The following KRT8 variants were observed in gnomAD, a reference collection of about 807,000 sequenced individuals.
KRT8 encodes the protein keratin, type II cytoskeletal 8.
KRT8 carries 24 observed loss-of-function variants against 43.0 expected under a neutral mutation model. The ratio of observed to expected loss-of-function variants is 0.56; its 90% CI spans 0.40 to 0.78. The LOEUF (loss-of-function observed/expected upper bound fraction) is 0.78. KRT8 is among the 30% of genes least tolerant of loss of function. The probability of loss-of-function intolerance (pLI) is 0.00; values close to 1 mark genes in which losing one functional copy is unlikely to be tolerated. For synonymous variants in KRT8, 214 were observed against 261.2 expected (o/e 0.82, Z 1.74); for missense variants, 492 against 638.4 (o/e 0.77, Z 2.47).
intron 2 of KRT8, among the ~76,000 whole-genome samples, chr12:52,939,564 A>T (rs377333885): frequency 1.6e-3 from 247 of 152,118 alleles, no homozygotes; most frequent in African/African-American, 5.6e-3. Context: ...CTACTAAAAA[A>T]TACAAAAATT....
At chr12:52,949,796 G>A (rs1433513483) in exon 1 of KRT8, 1 of 710,506 alleles carries the variant, frequency 1.4e-6, no homozygotes, top group African/African-American at 1.7e-5. Flanking sequence ...CAGGAGAGAG[G>A]GGGAAGGGGA....
intron 2 of KRT8, among the ~76,000 whole-genome samples, chr12:52,926,229 G>T (rs61927927): frequency 7.5e-6 from 1 of 132,892 alleles, no homozygotes; most frequent in Non-Finnish European, 1.5e-5. Context: ...ACACTGCTTT[G>T]ATCCTGTCAC....
intron 2 of KRT8, among the ~76,000 whole-genome samples, chr12:52,915,544 C>A (rs767628758): frequency 3.3e-5 from 5 of 151,520 alleles, no homozygotes; most frequent in Non-Finnish European, 7.4e-5. Context: ...CCCATCTGTA[C>A]TAAAAATACA....
exon 3 of KRT8, chr12:52,901,167 T>C (rs1365659231): frequency 9.3e-6 from 15 of 1,609,724 alleles, no homozygotes; most frequent in Non-Finnish European, 1.0e-5. Flanking sequence ...ACCTTCTTGA[T>C]GAGGACAAAT....
intron 2 of KRT8, among the ~76,000 whole-genome samples, chr12:52,943,149 C>A (rs746914193): frequency 6.6e-6 from 1 of 152,134 alleles, no homozygotes; most frequent in Non-Finnish European, 1.5e-5. Context: ...CTAAGGCAAC[C>A]GTCCATCAGT....
intron 2 of KRT8, among the ~76,000 whole-genome samples, chr12:52,937,719 C>T (rs1003422706): frequency 2.7e-5 from 4 of 148,788 alleles, no homozygotes; most frequent in South Asian, 2.1e-4. Context: ...GAAAACAGGC[C>T]GGGCATGGTG....
At chr12:52,907,776 A>G (rs1342670460), upstream of KRT8, among the ~76,000 whole-genome samples, 1 of 152,220 alleles carries the variant, frequency 6.6e-6, no homozygotes, top group Non-Finnish European at 1.5e-5. Context: ...GCCTCGGTGC[A>G]GGAGAAGAGG....
At chr12:52,918,203 A>AAGAAGAAGAAGAAGG (rs1565725692) in intron 2 of KRT8, among the ~76,000 whole-genome samples, 13 of 116,092 alleles carry the variant, frequency 1.1e-4, no homozygotes, top group Admixed American at 4.2e-4. Context: ...GAAGAAGAAG[A>AAGAAGAAGAAGAAGG]ACAAGAAGAA....
intron 1 of KRT8, 160 bp from the exon 2 acceptor site, chr12:52,902,232 G>T: frequency 1.6e-6 from 1 of 629,086 alleles, no homozygotes. Context: ...CTATGACCAG[G>T]GGGAGAAAGC....
At chr12:52,948,101 AG>A (rs1216489384) in intron 2 of KRT8, 2 of 152,216 alleles carry the variant, frequency 1.3e-5, no homozygotes, top group Non-Finnish European at 2.9e-5. Flanking sequence ...TGAGGTCGGG[AG>A]AGGGGAGGGT....
At chr12:52,901,791 C>T (rs1941376051) in intron 2 of KRT8, 73 bp downstream of exon 2, 2 of 1,051,314 alleles carry the variant, frequency 1.9e-6, no homozygotes, top group Admixed American at 1.7e-5. Context: ...GCCATGGGGA[C>T]TTAGTCCCAA....
chr12:52,908,367 G>A (rs952939609), upstream of KRT8, among the ~76,000 whole-genome samples: 5 of 152,142 alleles, frequency 3.3e-5, no homozygotes, highest in Admixed American at 1.3e-4. Context: ...GATCTCATTC[G>A]CTGCAACCTT....
intron 2 of KRT8, among the ~76,000 whole-genome samples, chr12:52,925,700 G>C (rs1941975359): frequency 6.6e-6 from 1 of 152,302 alleles, no homozygotes. Context: ...GGAAAGTTGG[G>C]CTCCAGGGCT....
intron 2 of KRT8, among the ~76,000 whole-genome samples, chr12:52,927,634 C>T (rs1056539045): frequency 3.3e-5 from 5 of 152,194 alleles, no homozygotes; most frequent in Non-Finnish European, 7.3e-5. Flanking sequence ...TCTGACTGAG[C>T]ACCCCCTTGT....
chr12:52,938,170 A>ATATATATATATATATATATT, intron 2 of KRT8, among the ~76,000 whole-genome samples: 21 of 30,232 alleles, frequency 6.9e-4, no homozygotes, highest in Non-Finnish European at 1.1e-3. Context: ...ATATATATAT[A>ATATATATATATATATATATT]TTTTTTTTTT....
Position 52,941,261 on chromosome 12 carries a change from C to T in KRT8, c.-47+8195G>A, listed in dbSNP as rs139855787. 6.5e-4 allele frequency among the ~76,000 whole-genome samples: 98 copies of T among 151,096 alleles called. 1 individual carries two copies. The highest frequency in any genetic ancestry group is 1.8e-3 in the Admixed American group (27 of 15,106). On this transcript the variant is annotated intron_variant, in intron 2 of 6. Coordinates refer to the KRT8 transcript ENST00000546826. ...ATCTAAATGTTTTAAAACAAGAAAACCCACAGATGCAGGAAGATCATAGGC... is the reference window on the plus strand; with the variant it reads ...ATCTAAATGTTTTAAAACAAGAAAATCCACAGATGCAGGAAGATCATAGGC...
chr12:52,924,856 GCA>G (rs1941959407), intron 2 of KRT8, among the ~76,000 whole-genome samples: 1 of 152,326 alleles, frequency 6.6e-6, no homozygotes, highest in South Asian at 2.1e-4. Flanking sequence ...AACAGCCAAC[GCA>G]CAGAGGAGCA....
intron 2 of KRT8, among the ~76,000 whole-genome samples, chr12:52,932,972 C>A (rs192851411): frequency 6.6e-6 from 1 of 152,258 alleles, no homozygotes; most frequent in Admixed American, 6.5e-5. Flanking sequence ...GAGATGAAGT[C>A]TTGCCCTGTC....
chr12:52,934,086 G>A (rs556098386), intron 2 of KRT8, among the ~76,000 whole-genome samples: 57 of 150,564 alleles, frequency 3.8e-4, no homozygotes, highest in Admixed American at 8.6e-4. Flanking sequence ...AAAATTAGCC[G>A]GGCATGGTGG....
Sources: allele counts gnomAD v4.1 joint callset (sites outside exome capture counted in the v4.1 genomes callset), GRCh38; gene constraint gnomAD v4.1.1; transcripts MANE v1.5; gene names NCBI Gene and HGNC (gene_info 2026-07-23, HGNC 2026-07-21).